RIN2: variants seen among roughly 807,000 people sequenced by gnomAD.
The protein encoded by RIN2 is Ras and Rab interactor 2, also known as RAB5 interacting protein 2.
A neutral mutation model predicts 78.0 loss-of-function variants in RIN2; 36 were observed. The ratio of observed to expected loss-of-function variants is 0.46; its 90% CI spans 0.35 to 0.61. RIN2 has a LOEUF of 0.61. Ranked by LOEUF, RIN2 falls within the 20% of genes least tolerant of loss-of-function variation. The pLI is 0.00. For synonymous variants in RIN2, 466 were observed against 466.8 expected, an observed-to-expected ratio of 1.00 and a Z score of 0.02; for missense variants, 1,087 against 1,159.7, an observed-to-expected ratio of 0.94 and a Z score of 0.91.
chr20:19,876,377 T>C (rs1302537571), intron 2 of RIN2, among the ~76,000 whole-genome samples: 1 of 151,946 alleles, frequency 6.6e-6, no homozygotes, highest in African/African-American at 2.4e-5. Context: ...CCCAATGAGA[T>C]AATAAAGGGG....
At chr20:19,934,049 A>G (rs558961781) in intron 3 of RIN2, among the ~76,000 whole-genome samples, 3 of 152,096 alleles carry the variant, frequency 2.0e-5, no homozygotes, top group Non-Finnish European at 4.4e-5. Context: ...ACCTCAAGTG[A>G]TCTGCCTGCC....
chr20:19,813,878 G>A (rs1402439567), intron 2 of RIN2, among the ~76,000 whole-genome samples: 1 of 152,164 alleles, frequency 6.6e-6, no homozygotes, highest in Non-Finnish European at 1.5e-5. Flanking sequence ...TATCTGGGGT[G>A]TGGTTTCAAC....
At chr20:19,957,200 G>A (rs2041580410) in intron 5 of RIN2, among the ~76,000 whole-genome samples, 1 of 152,188 alleles carries the variant, frequency 6.6e-6, no homozygotes, top group East Asian at 1.9e-4. Context: ...CCAAGGTCCA[G>A]CCATCCAACT....
At position 19,858,000 on chromosome 20, in the gene RIN2, G is replaced by A. The variant is rs147098322; in HGVS notation, c.-36-31566G>A. ...GCCAGAAGTTATTTGTCTTACATGT[G>A]CATTTCAAATATCTTCTCCTGCTCT... On this transcript the variant is annotated intron_variant, in intron 2 of 12. Coordinates refer to ENST00000255006, the MANE Select transcript of RIN2 (RefSeq NM_018993.4). Among the ~76,000 whole-genome samples the A allele has an allele frequency of 3.1e-3, 473 of 152,064 alleles. 3 individuals carry two copies. Among genetic ancestry groups the A allele is most frequent in the Admixed American group, 5.1e-3 (78 of 15,264 alleles).
At chr20:19,886,752 G>A (rs2038214398) in intron 2 of RIN2, 2 of 1,541,074 alleles carry the variant, frequency 1.3e-6, no homozygotes, top group Middle Eastern at 1.7e-4. Flanking sequence ...GTACAAGTCT[G>A]GAGGAATTTC....
At chr20:19,864,295 G>T (rs1325907377) in intron 2 of RIN2, among the ~76,000 whole-genome samples, 1 of 152,114 alleles carries the variant, frequency 6.6e-6, no homozygotes, top group Non-Finnish European at 1.5e-5. Context: ...AAAGTTGTTT[G>T]GTTAAGTTTG....
chr20:19,907,990 CCTT>C (rs1291219346), intron 3 of RIN2, among the ~76,000 whole-genome samples: 6 of 152,272 alleles, frequency 3.9e-5, no homozygotes, highest in South Asian at 2.1e-4. Context: ...GAAGGCCCCT[CCTT>C]AAGGGGCAGC....
Position 19,975,173 on chromosome 20 carries a change from G to C in RIN2, c.1148G>C (p.Gly383Ala), listed in dbSNP as rs1184419454. 6.2e-7 allele frequency: 1 copy of C among 1,610,620 alleles called. No homozygotes were observed. The highest frequency in any genetic ancestry group is 1.1e-5 in the South Asian group (1 of 90,908). The change falls in exon 9 of 13, where the codon GGC becomes GCC. Residue 383 changes from glycine (G) to alanine (A), a missense_variant. Transcript: ENST00000255006. This position sits in a 1 kb window ranked among gnomAD's most constrained non-coding sequence, Gnocchi z 4.9. ...AAGACCTTGAGCGGCGGCCGGCCGG[G>C]CGCAGGCCCGGAGCTGGAGCTGGGC... is the stretch of plus-strand genomic sequence containing the variant. ...GAKTLSGGRPGAGPELELGTA... is the reference protein window; with the variant it reads ...GAKTLSGGRPAAGPELELGTA...
At chr20:19,998,881 C>A (rs1194405951) in intron 12 of RIN2, among the ~76,000 whole-genome samples, 1 of 152,132 alleles carries the variant, frequency 6.6e-6, no homozygotes, top group Non-Finnish European at 1.5e-5. Context: ...TTGTTCCTTT[C>A]CCCACCTGCC....
At chr20:19,953,911 A>G (rs2041427179) in intron 4 of RIN2, among the ~76,000 whole-genome samples, 1 of 152,244 alleles carries the variant, frequency 6.6e-6, no homozygotes, top group Admixed American at 6.5e-5. Context: ...AGGAGAAACT[A>G]TTCTTTTTGG....
At chr20:19,996,535 T>C in intron 11 of RIN2, 144 bp from the exon 12 acceptor site, 1 of 752,680 alleles carries the variant, frequency 1.3e-6, no homozygotes, top group Non-Finnish European at 2.2e-6. Flanking sequence ...TGCTCTTGGG[T>C]GTGTGCTTCT....
intron 9 of RIN2, among the ~76,000 whole-genome samples, chr20:19,977,280 C>T (rs1486119349): frequency 6.6e-6 from 1 of 152,146 alleles, no homozygotes; most frequent in Admixed American, 6.5e-5. Flanking sequence ...GGCCTTCCCT[C>T]CCTGCTGATG....
chr20:19,758,414 G>A (rs2033469873), intron 1 of RIN2, 87 bp downstream of exon 1: 1 of 152,310 alleles, frequency 6.6e-6, no homozygotes, highest in Non-Finnish European at 1.5e-5. Flanking sequence ...GGGGCTCTCT[G>A]GGGTTCCAGA....
intron 3 of RIN2, 32 bp from the exon 4 acceptor site, chr20:19,935,067 C>T (rs374388652): frequency 1.3e-6 from 2 of 1,541,976 alleles, no homozygotes. Context: ...CTCTCCACTT[C>T]CTGACGTCAT....
At chr20:19,955,108 T>G (rs550803913) in intron 4 of RIN2, among the ~76,000 whole-genome samples, 3 of 152,280 alleles carry the variant, frequency 2.0e-5, no homozygotes, top group African/African-American at 7.2e-5. Context: ...TCGCTCCCCA[T>G]TCTCTTTTCT....
chr20:19,992,850 C>G (rs2042838121), intron 11 of RIN2, among the ~76,000 whole-genome samples: 1 of 151,996 alleles, frequency 6.6e-6, no homozygotes, highest in Non-Finnish European at 1.5e-5. Flanking sequence ...TGGATAAAAG[C>G]TTGGCTTTGT....
intron 1 of RIN2, among the ~76,000 whole-genome samples, chr20:19,792,003 C>A (rs2034901464): frequency 6.6e-6 from 1 of 152,146 alleles, no homozygotes; most frequent in African/African-American, 2.4e-5. Flanking sequence ...CCAGCTTTTT[C>A]TCAGGTTGTT....
chr20:19,913,961 G>A (rs1232841698), intron 3 of RIN2, among the ~76,000 whole-genome samples: 1 of 152,324 alleles, frequency 6.6e-6, no homozygotes, highest in East Asian at 1.9e-4. Context: ...AAACCTATGT[G>A]ATTAAGGGGG....
At chr20:19,967,413 A>AAGAATATT (rs1341441494) in intron 7 of RIN2, among the ~76,000 whole-genome samples, 1 of 152,248 alleles carries the variant, frequency 6.6e-6, no homozygotes, top group African/African-American at 2.4e-5. Flanking sequence ...TCAGTCTTAC[A>AAGAATATT]AGAATATTTG....
Sources: gnomAD v4.1 joint callset for allele counts (sites outside exome capture counted in the v4.1 genomes callset) on GRCh38, gnomAD v4.1.1 for gene constraint, Gnocchi (gnomAD v3.1) non-coding constraint, MANE v1.5 for transcripts, NCBI Gene and HGNC (gene_info 2026-07-23, HGNC 2026-07-21) for gene names.